The following L3MBTL4 variants were observed in gnomAD, a reference collection of about 807,000 sequenced individuals.
L3MBTL4 encodes the protein L3MBTL histone methyl-lysine binding protein 4.
L3MBTL4 carries 70 observed loss-of-function variants against 84.5 expected under a neutral mutation model. The observed-to-expected ratio is 0.83, with a 90% CI of 0.68 to 1.01. The LOEUF (loss-of-function observed/expected upper bound fraction) is 1.01, where lower values mean the gene tolerates loss of function less well. Among genes scored for constraint, L3MBTL4 ranks in the 50% least tolerant of loss-of-function variants. The pLI is 0.00. For missense variants in L3MBTL4, 715 were observed against 754.8 expected (o/e 0.95, Z 0.62); for synonymous variants, 274 against 259.8 (o/e 1.05, Z -0.52).
chr18:6,028,462 G>T (rs1436466256), intron 16 of L3MBTL4, among the ~76,000 whole-genome samples: 1 of 152,200 alleles, frequency 6.6e-6, no homozygotes, highest in African/African-American at 2.4e-5. Context: ...TTTGAAGTCA[G>T]GTAGCGTGAT....
chr18:6,304,083 A>T (rs2146861681), intron 3 of L3MBTL4, among the ~76,000 whole-genome samples: 1 of 152,168 alleles, frequency 6.6e-6, no homozygotes, highest in South Asian at 2.1e-4. Context: ...CCAGGTTTTC[A>T]AAAATGAGTC....
At chr18:6,040,847 T>C (rs2056369917) in intron 16 of L3MBTL4, among the ~76,000 whole-genome samples, 1 of 152,164 alleles carries the variant, frequency 6.6e-6, no homozygotes, top group Admixed American at 6.5e-5. Context: ...CTCTCCACTC[T>C]CAGTTGTAGG....
upstream of L3MBTL4, chr18:6,415,244 T>G (rs1399734984): frequency 6.6e-6 from 1 of 152,518 alleles, no homozygotes; most frequent in African/African-American, 2.4e-5. Context: ...GTCTGAAGGC[T>G]CTCTCCTCCG....
At chr18:6,016,886 T>C (rs2055009145) in intron 16 of L3MBTL4, among the ~76,000 whole-genome samples, 1 of 151,974 alleles carries the variant, frequency 6.6e-6, no homozygotes, top group South Asian at 2.1e-4. Context: ...GAAAAGACGC[T>C]GTGGAGAGAG....
rs184227661 is a variant in L3MBTL4, at chr18:6,138,380, A to T, written c.1097-84T>A. 1,802 of 808,880 alleles carry T rather than the reference A, an allele frequency of 2.2e-3. 8 individuals carry two copies. The highest frequency in any genetic ancestry group is 2.1e-3 in the Non-Finnish European group (1,076 of 504,832). 50.1% of individuals were successfully genotyped at this position (808,880 alleles called of 1,614,324 possible). On this transcript the variant is annotated intron_variant, in intron 13 of 18. Coordinates refer to ENST00000317931, the MANE Select transcript of L3MBTL4 (RefSeq NM_001330559.2). Reference sequence around the variant, plus strand: ...TGAAATATGTAAATGATGCTAATTAAGACTTTACAAATTAAAAACAAACCA... The same window carrying T: ...TGAAATATGTAAATGATGCTAATTATGACTTTACAAATTAAAAACAAACCA...
At chr18:6,111,218 G>T (rs1326858020) in intron 14 of L3MBTL4, among the ~76,000 whole-genome samples, 1 of 152,154 alleles carries the variant, frequency 6.6e-6, no homozygotes, top group East Asian at 1.9e-4. Flanking sequence ...AAATGGATAA[G>T]GGTTTTCTTT....
At chr18:6,165,222 G>A (rs894858844) in intron 13 of L3MBTL4, among the ~76,000 whole-genome samples, 3 of 152,202 alleles carry the variant, frequency 2.0e-5, no homozygotes, top group African/African-American at 7.2e-5. Flanking sequence ...ACCTGAAAGT[G>A]ACGGGGAGAA....
chr18:6,119,557 G>C (rs1323098289), intron 14 of L3MBTL4, among the ~76,000 whole-genome samples: 1 of 152,170 alleles, frequency 6.6e-6, no homozygotes, highest in Non-Finnish European at 1.5e-5. Flanking sequence ...TCGCTGTTCA[G>C]GAAATACTCA....
intron 14 of L3MBTL4, among the ~76,000 whole-genome samples, chr18:6,114,284 T>C (rs2059290635): frequency 6.6e-6 from 1 of 152,206 alleles, no homozygotes; most frequent in African/African-American, 2.4e-5. Context: ...TCTTATTTAA[T>C]GCAGTTGGCT....
chr18:6,239,733 T>C lies in L3MBTL4; in HGVS notation c.692A>G (p.Asp231Gly), dbSNP rs113005045. The C allele has an allele frequency of 3.1e-6, 5 of 1,613,780 alleles. No individual in the cohort carries two copies. Among genetic ancestry groups the C allele is most frequent in the Non-Finnish European group, 4.2e-6 (5 of 1,179,950 alleles). The change falls in exon 9 of 19, where the codon GAT becomes GGT. Residue 231 changes from aspartate to glycine, a missense_variant. Coordinates refer to ENST00000317931, the MANE Select transcript of L3MBTL4 (RefSeq NM_001330559.2). ...CATATCTCACCAGTAATCGTAACTA[T>C]CATCCCAGTTGTCAAAATGCACTAG... is the stretch of plus-strand genomic sequence containing the variant. The part of the protein sequence containing the change: ...RLLVHFDNWD[D>G]SYDYWCDVNS...
intron 16 of L3MBTL4, among the ~76,000 whole-genome samples, chr18:6,065,000 T>A (rs1455364407): frequency 2.6e-5 from 4 of 152,056 alleles, no homozygotes; most frequent in Admixed American, 2.0e-4. Flanking sequence ...CTTATATGGC[T>A]TTTGTTATTT....
intron 1 of L3MBTL4, among the ~76,000 whole-genome samples, chr18:6,398,557 C>A (rs143880631): frequency 2.0e-5 from 3 of 152,224 alleles, no homozygotes; most frequent in Non-Finnish European, 4.4e-5. Context: ...AGGATAAAGG[C>A]TCTGAAATAG....
intron 16 of L3MBTL4, among the ~76,000 whole-genome samples, chr18:6,046,030 G>A (rs1431760799): frequency 6.6e-6 from 1 of 152,026 alleles, no homozygotes. Context: ...TCAAAGTAAA[G>A]AGGTGGAGAA....
intron 16 of L3MBTL4, among the ~76,000 whole-genome samples, chr18:5,993,562 T>G (rs1433622869): frequency 6.6e-6 from 1 of 152,206 alleles, no homozygotes; most frequent in Non-Finnish European, 1.5e-5. Flanking sequence ...TTCCCATTAT[T>G]TTAGGATTAG....
intron 1 of L3MBTL4, among the ~76,000 whole-genome samples, chr18:6,347,598 T>A (rs1284562658): frequency 6.6e-6 from 1 of 151,396 alleles, no homozygotes; most frequent in East Asian, 1.9e-4. Context: ...CCAACTGACA[T>A]AAATTAACAC....
intron 16 of L3MBTL4, among the ~76,000 whole-genome samples, chr18:5,977,607 C>T (rs2053007923): frequency 6.6e-6 from 1 of 152,212 alleles, no homozygotes; most frequent in African/African-American, 2.4e-5. Context: ...AGGAGGCAGT[C>T]ACGACTCTAG....
chr18:6,169,709 A>G (rs1436586159), intron 13 of L3MBTL4, among the ~76,000 whole-genome samples: 1 of 151,202 alleles, frequency 6.6e-6, no homozygotes, highest in Non-Finnish European at 1.5e-5. Flanking sequence ...GGATAGCATT[A>G]GGAGATATAC....
chr18:5,991,844 G>A (rs1210767498), intron 16 of L3MBTL4, among the ~76,000 whole-genome samples: 2 of 151,854 alleles, frequency 1.3e-5, no homozygotes, highest in Non-Finnish European at 2.9e-5. Flanking sequence ...GTGACATGCT[G>A]AGCCCAGCCA....
chr18:6,316,665 A>G (rs2051117733), intron 1 of L3MBTL4, among the ~76,000 whole-genome samples: 1 of 152,096 alleles, frequency 6.6e-6, no homozygotes, highest in Non-Finnish European at 1.5e-5. Flanking sequence ...ACTCCTCTCT[A>G]CTTGGAACAT....
Sources: gnomAD v4.1 joint callset for allele counts (sites outside exome capture counted in the v4.1 genomes callset) on GRCh38, gnomAD v4.1.1 for gene constraint, MANE v1.5 for transcripts, NCBI Gene and HGNC (gene_info 2026-07-23, HGNC 2026-07-21) for gene names.